PABPC1L: variants seen among roughly 807,000 people sequenced by gnomAD.
The protein encoded by PABPC1L is poly(A) binding protein cytoplasmic 1 like.
In PABPC1L, 31 loss-of-function variants were observed where a neutral mutation model predicts 66.6. The observed-to-expected ratio is 0.47, with a 90% CI of 0.35 to 0.63. The LOEUF (loss-of-function observed/expected upper bound fraction) is 0.63. Among genes scored for constraint, PABPC1L ranks in the 20% least tolerant of loss-of-function variants. The probability of loss-of-function intolerance (pLI) is 0.00; values close to 1 mark genes in which losing one functional copy is unlikely to be tolerated. For synonymous variants in PABPC1L, 348 were observed against 335.1 expected (o/e 1.04, Z -0.42); for missense variants, 722 against 848.8 (o/e 0.85, Z 1.86).
At position 44,930,425 on chromosome 20, in the gene PABPC1L, C is replaced by G. The variant is rs75771638; in HGVS notation, c.973-35C>G. On this transcript the variant is annotated intron_variant, in intron 7 of 14. Coordinates refer to ENST00000217073, the MANE Select transcript of PABPC1L (RefSeq NM_001372179.1). ...GCGCAGCCCCAGGAGCCTTCCTTCC[C>G]CACCCCAGCAGCTCTTGTCTTGTCT... The G allele has an allele frequency of 3.1e-6, 5 of 1,588,908 alleles. No individual in the cohort carries two copies. The South Asian group carries it at 5.8e-5, about 18-fold the overall frequency.
intron 9 of PABPC1L, 53 bp downstream of exon 9, chr20:44,932,485 G>A (rs1051641469): frequency 4.0e-5 from 60 of 1,493,216 alleles, no homozygotes; most frequent in East Asian, 1.6e-4. Context: ...TGTGGGCCCC[G>A]TGAGGCAGTC....
chr20:44,927,975 TA>T (rs1253752573), intron 7 of PABPC1L, among the ~76,000 whole-genome samples: 3 of 151,926 alleles, frequency 2.0e-5, no homozygotes, highest in Non-Finnish European at 4.4e-5. Context: ...TTTAAATGCA[TA>T]AAATAAGATT....
intron 11 of PABPC1L, 34 bp from the exon 12 acceptor site, chr20:44,936,600 CATG>C: frequency 1.3e-6 from 2 of 1,505,452 alleles, no homozygotes; most frequent in South Asian, 2.5e-5. Flanking sequence ...CATGCCTGTC[CATG>C]GTGATTAAGG....
At chr20:44,934,463 C>T (rs2066885385) in intron 10 of PABPC1L, among the ~76,000 whole-genome samples, 1 of 152,226 alleles carries the variant, frequency 6.6e-6, no homozygotes, top group African/African-American at 2.4e-5. Context: ...AAATTCTGTA[C>T]CCATCAAACC....
At chr20:44,935,862 TA>T (rs1357825122) in intron 11 of PABPC1L, among the ~76,000 whole-genome samples, 3 of 152,170 alleles carry the variant, frequency 2.0e-5, no homozygotes, top group African/African-American at 7.2e-5. Flanking sequence ...CTCCCTCCCC[TA>T]AAAAAGGCCT....
chr20:44,939,281 CT>C lies in PABPC1L; in HGVS notation c.*166del. ...GTTGGTCACCCATCCAGCCTATTAC[CT>C]TTTGCTTTGTGTATTAAAAGTGCTG... On this transcript the variant is annotated 3_prime_UTR_variant, in exon 15 of 15. Transcript: ENST00000217073. The C allele has an allele frequency of 1.4e-6, 1 of 709,214 alleles. No individual in the cohort carries two copies. Among genetic ancestry groups the C allele is most frequent in the Non-Finnish European group, 2.6e-6 (1 of 381,214 alleles). The allele number at this position is 709,214 out of a possible 1,614,324, so 43.9% of individuals were successfully genotyped here. A position where few individuals can be genotyped will look rare whatever the true frequency, so the allele number is the denominator to read the frequency against.
chr20:44,926,242 T>C (rs73296546), intron 7 of PABPC1L, among the ~76,000 whole-genome samples: 3,185 of 152,244 alleles, frequency 0.021, 122 homozygotes, highest in African/African-American at 0.072. Flanking sequence ...ATTTTTTGTG[T>C]GTGTGATGGA....
chr20:44,919,755 G>A (rs1295382980), intron 5 of PABPC1L, among the ~76,000 whole-genome samples: 1 of 152,150 alleles, frequency 6.6e-6, no homozygotes, highest in Non-Finnish European at 1.5e-5. Context: ...AGGCTGGGTG[G>A]GAAGACTGCT....
chr20:44,910,433 C>A, intron 1 of PABPC1L, 97 bp downstream of exon 1: 1 of 1,324,022 alleles, frequency 7.6e-7, no homozygotes, highest in Non-Finnish European at 1.0e-6. Context: ...TCATCTTACA[C>A]TTTGCAGCCG....
chr20:44,911,900 G>A (rs2066707960), intron 1 of PABPC1L, among the ~76,000 whole-genome samples: 1 of 152,196 alleles, frequency 6.6e-6, no homozygotes, highest in South Asian at 2.1e-4. Context: ...CCATGTCTCT[G>A]CACTAGCAGA....
intron 6 of PABPC1L, among the ~76,000 whole-genome samples, chr20:44,922,012 CTCAA>C (rs1265102537): frequency 6.6e-6 from 1 of 152,178 alleles, no homozygotes; most frequent in Non-Finnish European, 1.5e-5. Flanking sequence ...ACCCAGCCCA[CTCAA>C]TCCCAGTTGC....
rs369926316 is a variant in PABPC1L at position 44,930,411 on chromosome 20, G to A, written c.973-49G>A. ...GGAGGAGGGAGGCAGCGCAGCCCCAGGAGCCTTCCTTCCCCACCCCAGCAG... is the reference window on the plus strand; with the variant it reads ...GGAGGAGGGAGGCAGCGCAGCCCCAAGAGCCTTCCTTCCCCACCCCAGCAG... On this transcript the variant is annotated intron_variant, in intron 7 of 14. Transcript: ENST00000217073. 5.7e-6 allele frequency: 9 copies of A among 1,577,684 alleles called. No individual in the cohort carries two copies. In the African/African-American group the frequency reaches 1.2e-4, roughly 21 times the overall value.
At chr20:44,923,345 T>A (rs945802051) in intron 6 of PABPC1L, among the ~76,000 whole-genome samples, 8 of 152,106 alleles carry the variant, frequency 5.3e-5, no homozygotes, top group African/African-American at 1.2e-4. Context: ...AAACGTGGCC[T>A]GTCGTGGTGG....
intron 2 of PABPC1L, among the ~76,000 whole-genome samples, chr20:44,915,998 A>G (rs1014285073): frequency 8.6e-5 from 13 of 150,538 alleles, no homozygotes; most frequent in African/African-American, 2.9e-4. Context: ...TTTAGCCTGA[A>G]TGGATTTTTT....
At chr20:44,923,932 T>A (rs1426158041) in intron 6 of PABPC1L, among the ~76,000 whole-genome samples, 1 of 152,136 alleles carries the variant, frequency 6.6e-6, no homozygotes, top group Admixed American at 6.5e-5. Flanking sequence ...CTGGGACCAG[T>A]GCAGATGTGT....
Position 44,939,139 on chromosome 20 carries a change from C to T in PABPC1L, c.*20C>T, listed in dbSNP as rs745555191. The T allele has an allele frequency of 7.0e-6, 5 of 717,902 alleles. No homozygotes were observed. Among genetic ancestry groups the T allele is most frequent in the South Asian group, 1.5e-5 (1 of 67,604 alleles). 44.5% of individuals were successfully genotyped at this position (717,902 alleles called of 1,614,324 possible). ...TTTTGTCCTCAGAAAAGGAAATCCT[C>T]GCTTCCATGGCTGCCAAAAGGACAG... On this transcript the variant is annotated 3_prime_UTR_variant, in exon 15 of 15. Transcript: ENST00000217073.
chr20:44,910,441 C>T, intron 1 of PABPC1L, 105 bp downstream of exon 1: 1 of 1,274,628 alleles, frequency 7.8e-7, no homozygotes, highest in Non-Finnish European at 1.0e-6. Flanking sequence ...CACTTTGCAG[C>T]CGGGGAAACT....
chr20:44,933,531 C>T (rs183358556), intron 10 of PABPC1L, among the ~76,000 whole-genome samples: 134 of 150,896 alleles, frequency 8.9e-4, no homozygotes, highest in African/African-American at 3.1e-3. Flanking sequence ...CTGCAACCTC[C>T]GCCTCCCAGG....
intron 10 of PABPC1L, among the ~76,000 whole-genome samples, chr20:44,934,671 T>G (rs759051761): frequency 6.6e-6 from 1 of 152,260 alleles, no homozygotes; most frequent in Non-Finnish European, 1.5e-5. Flanking sequence ...TTATTAAGGC[T>G]AAATAATATT....
Sources: gnomAD v4.1 joint callset for allele counts (sites outside exome capture counted in the v4.1 genomes callset) on GRCh38, gnomAD v4.1.1 for gene constraint, MANE v1.5 for transcripts, NCBI Gene and HGNC (gene_info 2026-07-23, HGNC 2026-07-21) for gene names.